Variants in PROX1 observed in about 807,000 individuals in gnomAD.
The protein encoded by PROX1 is prospero homeobox protein 1.
In PROX1, 7 loss-of-function variants were observed where a neutral mutation model predicts 58.8. The ratio of observed to expected loss-of-function variants is 0.12; its 90% CI spans 0.07 to 0.22. PROX1 has a LOEUF of 0.22. PROX1 is among the 10% of genes least tolerant of loss of function. The pLI is 1.00. For synonymous variants in PROX1, 350 were observed against 358.3 expected (o/e 0.98, Z 0.26); for missense variants, 675 against 927.8 (o/e 0.73, Z 3.54).
At chr1:213,985,670 G>C (rs563354591), upstream of PROX1, 3 of 152,380 alleles carry the variant, frequency 2.0e-5, no homozygotes, top group East Asian at 5.8e-4. Context: ...GGACTTACTG[G>C]GGTTCTCAGG....
intron 1 of PROX1, among the ~76,000 whole-genome samples, chr1:213,991,301 G>C (rs1663026978): frequency 6.6e-6 from 1 of 152,150 alleles, no homozygotes; most frequent in South Asian, 2.1e-4. Flanking sequence ...CACAGGAATA[G>C]GTTGGTTGGC....
upstream of PROX1, among the ~76,000 whole-genome samples, chr1:213,983,500 G>C (rs535733914): frequency 6.6e-6 from 1 of 152,182 alleles, no homozygotes; most frequent in Non-Finnish European, 1.5e-5. Flanking sequence ...TGCCCACTGC[G>C]CCCCCGCGTG....
rs557862900 is a variant in PROX1 at position 214,016,270 on chromosome 1, C to T, written c.2028+4555C>T. Among the ~76,000 whole-genome samples, 6 of 152,292 alleles carry T rather than the reference C, an allele frequency of 3.9e-5. No individual in the cohort carries two copies. In the South Asian group the frequency reaches 1.2e-3, roughly 32 times the overall value. Reference sequence around the variant, plus strand: ...AATATGTTCTCTACCCCATACCTACCCTTTTCTTAACCTACTCCCACTTTC... The same window carrying T: ...AATATGTTCTCTACCCCATACCTACTCTTTTCTTAACCTACTCCCACTTTC... On this transcript the variant is annotated intron_variant, in intron 4 of 4. Coordinates refer to ENST00000366958, the MANE Select transcript of PROX1 (RefSeq NM_001270616.2).
rs538118900 is a variant in PROX1, at chr1:213,990,007, C to G, written c.-68+1524C>G. Among the ~76,000 whole-genome samples, 4 of 151,730 alleles carry G rather than the reference C, an allele frequency of 2.6e-5. No homozygotes were observed. The South Asian group carries it at 8.3e-4, about 32-fold the overall frequency. On this transcript the variant is annotated intron_variant, in intron 1 of 4. Transcript: ENST00000366958. ...ACTCACCTGCTTGTTTTTATTTTTC[C>G]GAGAAGATCTGTGCTGTCTCCTTGA...
At chr1:214,009,629 C>T (rs1309141012) in intron 3 of PROX1, among the ~76,000 whole-genome samples, 2 of 152,162 alleles carry the variant, frequency 1.3e-5, no homozygotes, top group Non-Finnish European at 2.9e-5. Context: ...TTTCCATTCT[C>T]CAACAATAAG....
chr1:214,019,259 C>T (rs1189317619), intron 4 of PROX1, among the ~76,000 whole-genome samples: 2 of 152,062 alleles, frequency 1.3e-5, no homozygotes, highest in Admixed American at 6.5e-5. Context: ...ACAGGCTCCC[C>T]AAAATATGTT....
rs956404298 is a variant in PROX1 at position 214,036,497 on chromosome 1, G to T, written c.*663G>T. The T allele has an allele frequency of 6.6e-6, 1 of 152,174 alleles. No individual in the cohort carries two copies. The highest frequency in any genetic ancestry group is 1.5e-5 in the Non-Finnish European group (1 of 68,040). 9.4% of individuals were successfully genotyped at this position (152,174 alleles called of 1,614,324 possible). A position where few individuals can be genotyped will look rare whatever the true frequency, so the allele number is the denominator to read the frequency against. ...AAAGTCGTACCAGTTTCTTCTGGAG[G>T]CAAAGCAATTTTGCACAAAACCAGC... On this transcript the variant is annotated 3_prime_UTR_variant, in exon 5 of 5. Coordinates refer to ENST00000366958, the MANE Select transcript of PROX1 (RefSeq NM_001270616.2).
Position 213,998,216 on chromosome 1 carries a change from G to A in PROX1, c.1681G>A (p.Asp561Asn), listed in dbSNP as rs1010636866. 3.8e-6 allele frequency: 6 copies of A among 1,598,282 alleles called. No individual in the cohort carries two copies. The highest frequency in any genetic ancestry group is 2.7e-5 in the African/African-American group (2 of 74,184). ...SLSLIKSECG[D>N]LQDMSEISPY... is the part of the protein sequence containing the mutation. ...GTCGCTCATAAAGTCCGAGTGCGGC[G>A]ATCTTCAAGATATGTCTGAAATATC... Residue 561 changes from aspartate (D) to asparagine (N), a missense_variant, in exon 2 of 5, where the codon GAT becomes AAT. This residue lies in a region of PROX1 where 39 missense variants were observed against 73.4 expected (regional missense o/e 0.53). Coordinates refer to ENST00000366958, the MANE Select transcript of PROX1 (RefSeq NM_001270616.2).
chr1:213,997,726 G>T lies in PROX1; in HGVS notation c.1191G>T (p.Gly397=), dbSNP rs1663328118. ...CCCAGGCCAGATTTGCAGTCAATGG[G>T]GAAAACCACAATTTCCACACCGCCA... ...QIPQARFAVN[G]ENHNFHTANQ... The change falls in exon 2 of 5, where the codon GGG becomes GGT. Residue 397 remains glycine, a synonymous_variant. Coordinates refer to ENST00000366958, the MANE Select transcript of PROX1 (RefSeq NM_001270616.2). The surrounding 1 kb of genome is among the most constrained non-coding windows in gnomAD (Gnocchi z 7.1). The T allele has an allele frequency of 6.2e-7, 1 of 1,613,948 alleles. No homozygotes were observed. The highest frequency in any genetic ancestry group is 1.1e-5 in the South Asian group (1 of 91,074).
intron 4 of PROX1, among the ~76,000 whole-genome samples, chr1:214,012,780 T>C (rs187979686): frequency 6.2e-4 from 95 of 152,340 alleles, no homozygotes; most frequent in African/African-American, 2.2e-3. Context: ...TGTGTGCACT[T>C]GGACCTTATG....
chr1:214,038,041 T>C lies in PROX1; in HGVS notation c.*2207T>C, dbSNP rs1664885135. The C allele has an allele frequency of 1.3e-5, 2 of 152,230 alleles. No homozygotes were observed. The highest frequency in any genetic ancestry group is 1.3e-4 in the Admixed American group (2 of 15,284). 9.4% of individuals were successfully genotyped at this position (152,230 alleles called of 1,614,324 possible). A position where few individuals can be genotyped will look rare whatever the true frequency, so the allele number is the denominator to read the frequency against. On this transcript the variant is annotated 3_prime_UTR_variant, in exon 5 of 5. Transcript: ENST00000366958. ...GTAGACAGATTGCTAGATATCTTTT[T>C]GATCTGGGGCGAGTTCAATATTGAT... is the stretch of plus-strand genomic sequence containing the variant.
upstream of PROX1, among the ~76,000 whole-genome samples, chr1:213,986,847 A>C (rs535021509): frequency 6.6e-6 from 1 of 152,344 alleles, no homozygotes; most frequent in Non-Finnish European, 1.5e-5. Context: ...TGTAACTTGC[A>C]AAGCCCAAGG....
At chr1:214,006,709 C>G (rs1489733993) in intron 3 of PROX1, among the ~76,000 whole-genome samples, 4 of 152,064 alleles carry the variant, frequency 2.6e-5, no homozygotes, top group Non-Finnish European at 5.9e-5. Flanking sequence ...AGGGAATCCT[C>G]CCAACATTTT....
At chr1:214,020,162 T>C (rs1664232849) in intron 4 of PROX1, among the ~76,000 whole-genome samples, 1 of 152,154 alleles carries the variant, frequency 6.6e-6, no homozygotes, top group African/African-American at 2.4e-5. Flanking sequence ...TTAGAATGAG[T>C]TTGGCATTAT....
upstream of PROX1, chr1:213,986,220 CCT>C (rs1416312831): frequency 5.3e-5 from 8 of 151,708 alleles, no homozygotes; most frequent in East Asian, 1.4e-3. Context: ...CGTGTGCGCT[CCT>C]CTGTGTTGCT....
chr1:213,998,405 T>C (rs1663368169), intron 2 of PROX1, 145 bp downstream of exon 2: 1 of 1,010,408 alleles, frequency 9.9e-7, no homozygotes. Flanking sequence ...TAGGCTTTTA[T>C]CAGCATGCGT....
At position 213,998,182 on chromosome 1, in the gene PROX1, G is replaced by A. The variant is rs1663356057; in HGVS notation, c.1647G>A (p.Gly549=). 6.2e-7 allele frequency: 1 copy of A among 1,613,118 alleles called. No individual in the cohort carries two copies. Among genetic ancestry groups the A allele is most frequent in the African/African-American group, 1.3e-5 (1 of 74,860 alleles). ...CACACCCGCCCAGCACCGCCGAAGG[G>A]CTCTCCTTGTCGCTCATAAAGTCCG... ...SPAHPPSTAE[G]LSLSLIKSEC... The change falls in exon 2 of 5, where the codon GGG becomes GGA. Residue 549 remains glycine, a synonymous_variant. Transcript: ENST00000366958.
rs962355224 is a variant in PROX1 at position 214,038,771 on chromosome 1, C to T, written c.*2937C>T. ...TTCCAATTACTACAGCTGCAATAAA[C>T]ACTAGATTTTTTTTCTGGCTGTTTG... On this transcript the variant is annotated 3_prime_UTR_variant, in exon 5 of 5. Transcript: ENST00000366958. 4.6e-5 allele frequency: 7 copies of T among 152,142 alleles called. No homozygotes were observed. Among genetic ancestry groups the T allele is most frequent in the Non-Finnish European group, 7.4e-5 (5 of 68,024 alleles). The allele number at this position is 152,142 out of a possible 1,614,324, so 9.4% of individuals were successfully genotyped here. A position where few individuals can be genotyped will look rare whatever the true frequency, so the allele number is the denominator to read the frequency against.
Position 214,011,264 on chromosome 1 carries a change from G to A in PROX1, c.1834-257G>A, listed in dbSNP as rs74139086. Among the ~76,000 whole-genome samples the A allele has an allele frequency of 4.9e-3, 750 of 152,256 alleles. 6 individuals are homozygous for A. Among genetic ancestry groups the A allele is most frequent in the African/African-American group, 0.017 (701 of 41,550 alleles). ...TAAAAATAAAGATGTTCGGCTTAAG[G>A]AAAGTCTGATTTAGAATGTGACTTT... On this transcript the variant is annotated intron_variant, in intron 3 of 4. Coordinates refer to ENST00000366958, the MANE Select transcript of PROX1 (RefSeq NM_001270616.2).
Sources: allele counts gnomAD v4.1 joint callset (sites outside exome capture counted in the v4.1 genomes callset), GRCh38; gene constraint gnomAD v4.1.1; regional missense constraint gnomAD v4.1.1; non-coding constraint Gnocchi (gnomAD v3.1); transcripts MANE v1.5; gene names NCBI Gene and HGNC (gene_info 2026-07-23, HGNC 2026-07-21).